The following MDFIC2 variants were observed in gnomAD, a reference collection of about 807,000 sequenced individuals.
MDFIC2 encodes MyoD family inhibitor domain containing 2, also known as myoD family inhibitor domain-containing protein 2.
intron 3 of MDFIC2, among the ~76,000 whole-genome samples, chr3:70,197,659 T>G (rs1559532891): frequency 1.3e-5 from 2 of 152,232 alleles, no homozygotes; most frequent in Admixed American, 6.5e-5. Context: ...TTCCCATAAA[T>G]CTGCCACACC....
chr3:70,306,358 G>A (rs544320806), intron 2 of MDFIC2, among the ~76,000 whole-genome samples: 2 of 152,168 alleles, frequency 1.3e-5, no homozygotes, highest in East Asian at 1.9e-4. Flanking sequence ...TGATCTACCC[G>A]CCTCGGCCTC....
At chr3:70,302,640 C>T (rs1482185327) in intron 2 of MDFIC2, 1 of 152,166 alleles carries the variant, frequency 6.6e-6, no homozygotes. Context: ...GGTTCCTGGT[C>T]TCTACAGATT....
chr3:70,233,645 C>G (rs1325644490), intron 2 of MDFIC2, among the ~76,000 whole-genome samples: 1 of 152,112 alleles, frequency 6.6e-6, no homozygotes, highest in Non-Finnish European at 1.5e-5. Context: ...TTTTGTAATC[C>G]ATGCATCCCT....
rs576116564 is a variant in MDFIC2, at chr3:70,286,050, C to G, written c.88+25836G>C. 1.1e-4 allele frequency among the ~76,000 whole-genome samples: 16 copies of G among 152,186 alleles called. No homozygotes were observed. The South Asian group carries it at 3.1e-3, about 30-fold the overall frequency. On this transcript the variant is annotated intron_variant, in intron 2 of 3. Transcript: ENST00000567252. ...GGTAGTTTCTTTTGCTGTGCAGAAG[C>G]TCTTTAGTTTAATGAGATCCCATTT... is the stretch of plus-strand genomic sequence containing the variant.
At chr3:70,290,958 C>G (rs1702232295) in intron 2 of MDFIC2, among the ~76,000 whole-genome samples, 1 of 152,162 alleles carries the variant, frequency 6.6e-6, no homozygotes, top group African/African-American at 2.4e-5. Flanking sequence ...AGCCCACTGT[C>G]TGGCACTCCC....
intron 2 of MDFIC2, among the ~76,000 whole-genome samples, chr3:70,232,823 G>T (rs1047917647): frequency 6.6e-6 from 1 of 152,088 alleles, no homozygotes; most frequent in East Asian, 1.9e-4. Context: ...TCTTCCCAGG[G>T]TGATTCTCTC....
intron 2 of MDFIC2, among the ~76,000 whole-genome samples, chr3:70,263,987 C>G (rs1701891800): frequency 6.6e-6 from 1 of 152,140 alleles, no homozygotes; most frequent in African/African-American, 2.4e-5. Flanking sequence ...TTCAGGCTCT[C>G]CTACTCTGTC....
intron 2 of MDFIC2, among the ~76,000 whole-genome samples, chr3:70,220,619 T>C (rs1268803880): frequency 6.6e-6 from 1 of 152,148 alleles, no homozygotes; most frequent in Non-Finnish European, 1.5e-5. Context: ...TGTTAGTGTG[T>C]TGAGGTGTTT....
rs1488078092 is a variant in MDFIC2, at chr3:70,224,774, C to T, written c.89-17984G>A. 4.0e-5 allele frequency among the ~76,000 whole-genome samples: 6 copies of T among 151,868 alleles called. No homozygotes were observed. In the South Asian group the frequency reaches 8.3e-4, roughly 21 times the overall value. On this transcript the variant is annotated intron_variant, in intron 2 of 3. Transcript: ENST00000567252. ...CGGCAAAATGCTATTTCCAATTTTG[C>T]GCTCTATTAAAACATTGCAGTTGAT...
chr3:70,275,020 G>A (rs1702009333), intron 2 of MDFIC2, among the ~76,000 whole-genome samples: 1 of 152,042 alleles, frequency 6.6e-6, no homozygotes, highest in South Asian at 2.1e-4. Context: ...TTTCTCAAAG[G>A]AAACTACAGA....
In MDFIC2 at chr3:70,195,057, G is replaced by A. The variant is rs1374420148; in HGVS notation, c.*1869C>T. Reference sequence around the variant, plus strand: ...GACTGAGAATTGGGTAGTGCAGGTAGTCAGAAAATTAGAACCCAAGTTAGA... The same window carrying A: ...GACTGAGAATTGGGTAGTGCAGGTAATCAGAAAATTAGAACCCAAGTTAGA... On this transcript the variant is annotated 3_prime_UTR_variant, in exon 4 of 4. Coordinates refer to ENST00000567252, the MANE Select transcript of MDFIC2 (RefSeq NM_001364677.1). Among the ~76,000 whole-genome samples the A allele has an allele frequency of 1.3e-5, 2 of 152,186 alleles. No individual in the cohort carries two copies. The highest frequency in any genetic ancestry group is 4.8e-5 in the African/African-American group (2 of 41,446).
chr3:70,209,999 A>T (rs1701327629), intron 2 of MDFIC2, among the ~76,000 whole-genome samples: 1 of 152,122 alleles, frequency 6.6e-6, no homozygotes, highest in South Asian at 2.1e-4. Flanking sequence ...GCAGCTATTT[A>T]CTTAACAGAA....
chr3:70,236,597 G>C lies in MDFIC2; in HGVS notation c.89-29807C>G, dbSNP rs1042214635. Among the ~76,000 whole-genome samples the C allele has an allele frequency of 3.3e-5, 5 of 152,016 alleles. 1 individual carries two copies. In the South Asian group the frequency reaches 1.0e-3, roughly 32 times the overall value. ...CTGTAAATTGACCCTTATTTTACTA[G>C]AAAACTTTTTTTTTCTGAGACAGGG... On this transcript the variant is annotated intron_variant, in intron 2 of 3. Transcript: ENST00000567252.
intron 2 of MDFIC2, among the ~76,000 whole-genome samples, chr3:70,287,489 T>G (rs1195267213): frequency 6.6e-6 from 1 of 152,012 alleles, no homozygotes; most frequent in Non-Finnish European, 1.5e-5. Context: ...TTTGCATCAA[T>G]GTTCATTAAG....
chr3:70,221,253 C>T (rs948128771), intron 2 of MDFIC2, among the ~76,000 whole-genome samples: 1 of 152,106 alleles, frequency 6.6e-6, no homozygotes, highest in Non-Finnish European at 1.5e-5. Context: ...ATAATGATAG[C>T]TAACATTCAC....
chr3:70,250,106 T>A (rs2106650235), intron 2 of MDFIC2, among the ~76,000 whole-genome samples: 1 of 152,302 alleles, frequency 6.6e-6, no homozygotes, highest in African/African-American at 2.4e-5. Context: ...TCTATTTAGT[T>A]GTTTAAGCCA....
chr3:70,282,522 G>T (rs1702097037), intron 2 of MDFIC2, among the ~76,000 whole-genome samples: 1 of 152,176 alleles, frequency 6.6e-6, no homozygotes, highest in Admixed American at 6.5e-5. Flanking sequence ...TTATCACTCA[G>T]CCTGGTTCAT....
At chr3:70,253,245 G>A (rs1363367775) in intron 2 of MDFIC2, among the ~76,000 whole-genome samples, 2 of 152,178 alleles carry the variant, frequency 1.3e-5, no homozygotes, top group Non-Finnish European at 2.9e-5. Flanking sequence ...GTGAAGTCCT[G>A]AAAGAAGTAA....
chr3:70,253,595 C>A (rs1298355208), intron 2 of MDFIC2, among the ~76,000 whole-genome samples: 11 of 152,098 alleles, frequency 7.2e-5, no homozygotes, highest in Admixed American at 7.2e-4. Flanking sequence ...TGGTGATGCA[C>A]CTCTGTAGTC....
Sources: gnomAD v4.1 joint callset for allele counts (sites outside exome capture counted in the v4.1 genomes callset) on GRCh38, gnomAD v4.1.1 for gene constraint, MANE v1.5 for transcripts, NCBI Gene and HGNC (gene_info 2026-07-23, HGNC 2026-07-21) for gene names.